DHX9: variants seen among roughly 807,000 people sequenced by gnomAD.
The protein encoded by DHX9 is ATP-dependent RNA helicase A.
In DHX9, 27 loss-of-function variants were observed where a neutral mutation model predicts 148.7. The observed-to-expected ratio is 0.18, with a 90% CI of 0.13 to 0.25. DHX9 has a LOEUF of 0.25. Among genes scored for constraint, DHX9 ranks in the 10% least tolerant of loss-of-function variants. DHX9 has a pLI of 1.00. For missense variants in DHX9, 796 were observed against 1,559.6 expected, an observed-to-expected ratio of 0.51 and a Z score of 8.25; for synonymous variants, 529 against 516.6, an observed-to-expected ratio of 1.02 and a Z score of -0.33.
intron 27 of DHX9, among the ~76,000 whole-genome samples, chr1:182,885,476 T>TA (rs1379387830): frequency 1.3e-5 from 2 of 152,240 alleles, no homozygotes; most frequent in Non-Finnish European, 2.9e-5. Flanking sequence ...TTTACATCAA[T>TA]ACACTTCATG....
intron 4 of DHX9, 56 bp downstream of exon 4, chr1:182,852,400 C>G: frequency 8.0e-7 from 1 of 1,250,368 alleles, no homozygotes; most frequent in East Asian, 2.4e-5. Flanking sequence ...CAATCTTGAT[C>G]ACCATCTCTG....
intron 3 of DHX9, among the ~76,000 whole-genome samples, chr1:182,847,998 T>C (rs891199376): frequency 5.3e-5 from 8 of 152,200 alleles, no homozygotes; most frequent in African/African-American, 1.9e-4. Flanking sequence ...CTCAGGTGTT[T>C]CCTATTAAAT....
chr1:182,853,520 A>G, intron 5 of DHX9, 102 bp downstream of exon 5: 1 of 817,032 alleles, frequency 1.2e-6, no homozygotes, highest in Non-Finnish European at 1.9e-6. Context: ...AATTGGGTGC[A>G]TCTTTTAAGA....
chr1:182,843,297 C>G lies in DHX9; in HGVS notation c.115C>G (p.Gln39Glu). The G allele has an allele frequency of 6.4e-7, 1 of 1,550,974 alleles. No individual in the cohort carries two copies. The highest frequency in any genetic ancestry group is 8.6e-7 in the Non-Finnish European group (1 of 1,156,712). ...KNRQKFMCEV[Q>E]VEGYNYTGMG... Reference sequence around the variant, plus strand: ...GTACTTTTTTTTTTTTTTAAAGGTTCAGGTGGAAGGTTATAATTACACTGG... The same window carrying G: ...GTACTTTTTTTTTTTTTTAAAGGTTGAGGTGGAAGGTTATAATTACACTGG... Residue 39 changes from glutamine to glutamate, a missense_variant, in exon 3 of 28, where the codon CAG becomes GAG. Around this residue, in one of 14 missense-constraint regions of DHX9, gnomAD observed 23 missense variants for 89.5 expected, o/e 0.26. Transcript: ENST00000367549.
chr1:182,841,573 A>G (rs561582118), intron 1 of DHX9, among the ~76,000 whole-genome samples: 144 of 152,260 alleles, frequency 9.5e-4, no homozygotes, highest in Non-Finnish European at 1.8e-3. Context: ...GTGGCCACTC[A>G]GACGTAACAA....
intron 14 of DHX9, among the ~76,000 whole-genome samples, chr1:182,871,086 G>A (rs891854059): frequency 6.6e-6 from 1 of 151,926 alleles, no homozygotes; most frequent in African/African-American, 2.4e-5. Flanking sequence ...TTAAAATTAA[G>A]GTTATTTGTT....
chr1:182,867,465 C>T (rs1380156379), intron 14 of DHX9, among the ~76,000 whole-genome samples: 30 of 152,172 alleles, frequency 2.0e-4, no homozygotes, highest in African/African-American at 6.0e-4. Context: ...TGCAGTGGCG[C>T]GATCTCAGCT....
intron 12 of DHX9, among the ~76,000 whole-genome samples, chr1:182,865,120 G>C (rs1411413609): frequency 6.6e-6 from 1 of 152,194 alleles, no homozygotes; most frequent in East Asian, 1.9e-4. Flanking sequence ...GTAGAAAAGG[G>C]GGACGATAGG....
chr1:182,867,461 G>A (rs1362868533), intron 14 of DHX9, among the ~76,000 whole-genome samples: 1 of 152,086 alleles, frequency 6.6e-6, no homozygotes, highest in African/African-American at 2.4e-5. Context: ...GGAGTGCAGT[G>A]GCGCGATCTC....
intron 12 of DHX9, among the ~76,000 whole-genome samples, chr1:182,865,629 A>G (rs9425563): frequency 0.31 from 47,884 of 152,158 alleles, 9,437 homozygotes; most frequent in Non-Finnish European, 0.44. Flanking sequence ...CAGGATAAAT[A>G]TGAGCCAGGT....
intron 9 of DHX9, 31 bp from the exon 10 acceptor site, chr1:182,858,702 T>G (rs777543118): frequency 1.9e-6 from 3 of 1,612,780 alleles, no homozygotes; most frequent in South Asian, 1.1e-5. Flanking sequence ...GCAAATCATA[T>G]TTTTTGTTTG....
chr1:182,863,051 A>G (rs115205292), intron 12 of DHX9, among the ~76,000 whole-genome samples: 3 of 152,354 alleles, frequency 2.0e-5, no homozygotes, highest in African/African-American at 7.2e-5. Context: ...TGCAATGAAA[A>G]TTAAAAGCAC....
rs1326845453 is a variant in DHX9 at position 182,872,376 on chromosome 1, G to C, written c.1597G>C (p.Ala533Pro). 2 of 1,613,654 alleles carry C rather than the reference G, an allele frequency of 1.2e-6. No homozygotes were observed. The highest frequency in any genetic ancestry group is 1.7e-6 in the Non-Finnish European group (2 of 1,179,934). ...LLVVLRDVVQ[A>P]YPEVRIVLMS... ...GGTAGTACTGCGTGATGTTGTTCAG[G>C]CTTATCCTGAAGTTCGCATTGTTCT... Residue 533 changes from alanine (A) to proline (P), a missense_variant, in exon 15 of 28, where the codon GCT becomes CCT. By Grantham distance (27) the Ala-to-Pro change is conservative (BLOSUM62 -1). Coordinates refer to ENST00000367549, the MANE Select transcript of DHX9 (RefSeq NM_001357.5).
rs1649389490 is a variant in DHX9 at position 182,887,491 on chromosome 1, T to G, written c.*57T>G. Reference sequence around the variant, plus strand: ...AGTAAGGAAAAAAAGGCATGCTATGTGTTACGTGTTTTTTCCAGTATGTTT... The same window carrying G: ...AGTAAGGAAAAAAAGGCATGCTATGGGTTACGTGTTTTTTCCAGTATGTTT... On this transcript the variant is annotated 3_prime_UTR_variant, in exon 28 of 28. Coordinates refer to ENST00000367549, the MANE Select transcript of DHX9 (RefSeq NM_001357.5). 1 of 1,452,266 alleles carries G rather than the reference T, an allele frequency of 6.9e-7. No individual in the cohort carries two copies. The highest frequency in any genetic ancestry group is 9.4e-7 in the Non-Finnish European group (1 of 1,067,170). 90.0% of individuals were successfully genotyped at this position (1,452,266 alleles called of 1,614,324 possible).
rs16859745 is a variant in DHX9, at chr1:182,858,258, A to C, written c.810+18A>C. On this transcript the variant is annotated intron_variant, in intron 8 of 27. Transcript: ENST00000367549. ...GAGAGACAGTGAGTCTTTAGATTTA[A>C]TAGACTTGTGAGATAGTGTGAGATT... 3.5e-3 allele frequency: 5,611 copies of C among 1,610,028 alleles called. 185 individuals carry two copies. In the African/African-American group the frequency reaches 0.068, roughly 19 times the overall value.
chr1:182,880,468 T>C, intron 21 of DHX9, 29 bp from the exon 22 acceptor site: 2 of 1,450,752 alleles, frequency 1.4e-6, no homozygotes, highest in Non-Finnish European at 1.9e-6. Context: ...TTCATTTGTT[T>C]CTGCTCACAA....
chr1:182,839,402 A>C lies in DHX9; in HGVS notation c.-77A>C, dbSNP rs1667869114. 6.6e-6 allele frequency: 1 copy of C among 152,348 alleles called. No homozygotes were observed. Among genetic ancestry groups the C allele is most frequent in the African/African-American group, 2.4e-5 (1 of 41,450 alleles). 9.4% of individuals were successfully genotyped at this position (152,348 alleles called of 1,614,324 possible). A position where few individuals can be genotyped will look rare whatever the true frequency, so the allele number is the denominator to read the frequency against. On this transcript the variant is annotated 5_prime_UTR_variant, in exon 1 of 28. Coordinates refer to ENST00000367549, the MANE Select transcript of DHX9 (RefSeq NM_001357.5). The stretch of plus-strand genomic sequence containing the variant: ...CTGTGCGTTTCTCTGTTGTCTCGGT[A>C]GAAGGCCAGAGTCACACACGGTCCT...
intron 26 of DHX9, among the ~76,000 whole-genome samples, chr1:182,884,223 A>G (rs1213584654): frequency 2.0e-5 from 3 of 152,182 alleles, no homozygotes; most frequent in East Asian, 1.9e-4. Context: ...GCAATGAGCT[A>G]TCACGCCACT....
chr1:182,881,734 A>G (rs1308179989), intron 24 of DHX9, 87 bp downstream of exon 24: 1 of 1,377,580 alleles, frequency 7.3e-7, no homozygotes, highest in Non-Finnish European at 9.8e-7. Flanking sequence ...TTTAGTTTCA[A>G]ATTTTAGACC....
Sources: allele counts gnomAD v4.1 joint callset (sites outside exome capture counted in the v4.1 genomes callset), GRCh38; gene constraint gnomAD v4.1.1; regional missense constraint gnomAD v4.1.1; transcripts MANE v1.5; gene names NCBI Gene and HGNC (gene_info 2026-07-23, HGNC 2026-07-21).